Variants in PCDH15 observed in about 807,000 individuals in gnomAD.
PCDH15 encodes protocadherin related 15, also known as protocadherin-15.
A neutral mutation model predicts 178.5 loss-of-function variants in PCDH15; 129 were observed. The ratio of observed to expected loss-of-function variants is 0.72; its 90% CI spans 0.63 to 0.84. The LOEUF is 0.84. Among genes scored for constraint, PCDH15 ranks in the 40% least tolerant of loss-of-function variants. The probability of loss-of-function intolerance (pLI) is 0.00; values close to 1 mark genes in which losing one functional copy is unlikely to be tolerated. For missense variants in PCDH15, 2,230 were observed against 2,099.9 expected (o/e 1.06, Z -1.21); for synonymous variants, 800 against 732.0 (o/e 1.09, Z -1.50).
At chr10:53,992,302 C>T (rs1051360609) in intron 21 of PCDH15, among the ~76,000 whole-genome samples, 1 of 152,200 alleles carries the variant, frequency 6.6e-6, no homozygotes, top group African/African-American at 2.4e-5. Flanking sequence ...GACACACCAT[C>T]TTTAAGAACT....
At chr10:53,965,349 CGCCCA>C (rs1368139242) in intron 21 of PCDH15, among the ~76,000 whole-genome samples, 4 of 152,140 alleles carry the variant, frequency 2.6e-5, no homozygotes, top group Non-Finnish European at 5.9e-5. Flanking sequence ...TAAGCCACCG[CGCCCA>C]GCCCTACTAC....
intron 2 of PCDH15, among the ~76,000 whole-genome samples, chr10:55,340,847 T>C (rs1244511129): frequency 9.2e-5 from 14 of 152,088 alleles, no homozygotes; most frequent in Admixed American, 8.5e-4. Context: ...GGATTTATTG[T>C]GCCTAATAAT....
intron 2 of PCDH15, among the ~76,000 whole-genome samples, chr10:55,381,945 C>A (rs898910883): frequency 6.6e-6 from 1 of 152,028 alleles, no homozygotes; most frequent in Non-Finnish European, 1.5e-5. Flanking sequence ...AAGAAGTCAG[C>A]CCTTGAAAAG....
intron 25 of PCDH15, among the ~76,000 whole-genome samples, chr10:53,913,567 A>G (rs1393304978): frequency 3.6e-5 from 4 of 111,038 alleles, no homozygotes; most frequent in African/African-American, 1.4e-4. Context: ...TCCCGTCTCC[A>G]CTAAAAGATA....
intron 1 of PCDH15, among the ~76,000 whole-genome samples, chr10:54,768,180 C>A (rs1226289485): frequency 6.6e-6 from 1 of 152,048 alleles, no homozygotes; most frequent in African/African-American, 2.4e-5. Flanking sequence ...GTCTGAAGGG[C>A]ATAACAGCAT....
intron 1 of PCDH15, among the ~76,000 whole-genome samples, chr10:54,767,174 A>T (rs1948617197): frequency 6.6e-6 from 1 of 152,040 alleles, no homozygotes; most frequent in South Asian, 2.1e-4. Context: ...ATTTATTACG[A>T]GTTCAAAAAT....
intron 2 of PCDH15, among the ~76,000 whole-genome samples, chr10:54,530,002 A>G (rs990044392): frequency 3.3e-5 from 5 of 152,088 alleles, no homozygotes; most frequent in African/African-American, 1.2e-4. Flanking sequence ...GAATGTTGGT[A>G]GAGGAATAAA....
At chr10:53,959,251 T>TG (rs1205673838) in intron 23 of PCDH15, among the ~76,000 whole-genome samples, 3 of 121,644 alleles carry the variant, frequency 2.5e-5, no homozygotes, top group Admixed American at 1.7e-4. Context: ...ACACACTACA[T>TG]TTATATATAT....
At chr10:54,601,902 T>C (rs1382562352) in intron 2 of PCDH15, among the ~76,000 whole-genome samples, 3 of 151,954 alleles carry the variant, frequency 2.0e-5, no homozygotes, top group African/African-American at 7.2e-5. Flanking sequence ...AAATACTGCA[T>C]GTTCTCACTT....
chr10:54,103,536 T>TGCCTGCAGTG (rs2094851348), intron 15 of PCDH15, among the ~76,000 whole-genome samples: 1 of 152,160 alleles, frequency 6.6e-6, no homozygotes, highest in Non-Finnish European at 1.5e-5. Context: ...CTCATAAATC[T>TGCCTGCAGTG]CTTTTGCAAA....
chr10:55,467,877 G>A (rs537971712), intron 2 of PCDH15, among the ~76,000 whole-genome samples: 7 of 141,284 alleles, frequency 5.0e-5, no homozygotes, highest in South Asian at 2.3e-4. Flanking sequence ...TGAGGCAGGA[G>A]AACTGCTTGA....
intron 3 of PCDH15, among the ~76,000 whole-genome samples, chr10:54,474,908 T>G (rs1196081881): frequency 1.3e-5 from 2 of 151,964 alleles, no homozygotes; most frequent in African/African-American, 4.8e-5. Context: ...AAACAATTTC[T>G]TAAAAGGAAT....
intron 2 of PCDH15, among the ~76,000 whole-genome samples, chr10:55,345,787 T>C (rs550017136): frequency 6.6e-6 from 1 of 152,238 alleles, no homozygotes; most frequent in Non-Finnish European, 1.5e-5. Context: ...ACTGAATAAA[T>C]TTCCAAATTT....
intron 3 of PCDH15, among the ~76,000 whole-genome samples, chr10:54,840,989 C>T (rs994991149): frequency 1.3e-5 from 2 of 151,690 alleles, no homozygotes; most frequent in African/African-American, 4.8e-5. Flanking sequence ...AGAGACTTCA[C>T]CACCCCAATT....
chr10:54,796,262 C>CTATCTATG (rs1951972699), intron 1 of PCDH15, among the ~76,000 whole-genome samples: 3 of 102,020 alleles, frequency 2.9e-5, no homozygotes, highest in East Asian at 2.6e-4. Flanking sequence ...ATCTATCTAT[C>CTATCTATG]TATCTATCTA....
At chr10:54,442,014 T>C (rs1237255707) in intron 3 of PCDH15, among the ~76,000 whole-genome samples, 2 of 151,766 alleles carry the variant, frequency 1.3e-5, no homozygotes, top group Non-Finnish European at 2.9e-5. Flanking sequence ...AATATTAGTG[T>C]ATAATTGAAA....
chr10:54,337,216 G>T (rs2134010311), intron 6 of PCDH15, among the ~76,000 whole-genome samples: 1 of 152,100 alleles, frequency 6.6e-6, no homozygotes, highest in South Asian at 2.1e-4. Flanking sequence ...AACTTGCTTT[G>T]TCTCAGATGA....
intron 2 of PCDH15, among the ~76,000 whole-genome samples, chr10:55,500,268 CAAAGTATTG>C (rs1840626259): frequency 6.6e-6 from 1 of 151,454 alleles, no homozygotes; most frequent in Non-Finnish European, 1.5e-5. Context: ...TAAATTTGAC[CAAAGTATTG>C]AAATTCAAAA....
chr10:54,476,081 A>G (rs939386624), intron 3 of PCDH15, among the ~76,000 whole-genome samples: 1 of 151,190 alleles, frequency 6.6e-6, no homozygotes, highest in East Asian at 2.0e-4. Context: ...TCCAGGACCT[A>G]TGCTACAAGC....
Sources: gnomAD v4.1 joint callset for allele counts (sites outside exome capture counted in the v4.1 genomes callset) on GRCh38, gnomAD v4.1.1 for gene constraint, MANE v1.5 for transcripts, NCBI Gene and HGNC (gene_info 2026-07-23, HGNC 2026-07-21) for gene names.